Variants in EXOC4 observed in about 807,000 individuals in gnomAD.
EXOC4 encodes SEC8-like 1.
Under a neutral mutation model 107.2 loss-of-function variants are expected in EXOC4, and 71 were observed. The observed-to-expected ratio is 0.66, with a 90% CI of 0.55 to 0.81. EXOC4 has a LOEUF of 0.81. EXOC4 is among the 30% of genes least tolerant of loss of function. The probability of loss-of-function intolerance (pLI) is 0.00; values close to 1 mark genes in which losing one functional copy is unlikely to be tolerated. For synonymous variants in EXOC4, 456 were observed against 441.2 expected (o/e 1.03, Z -0.42); for missense variants, 1,108 against 1,189.6 (o/e 0.93, Z 1.01).
rs1222894526 is a variant in EXOC4, at chr7:133,857,244, CATAT to C, written c.1735-38329_1735-38326del. Among the ~76,000 whole-genome samples, 37 of 6,584 alleles carry C rather than the reference CATAT, an allele frequency of 5.6e-3. 2 individuals carry two copies. Among genetic ancestry groups the C allele is most frequent in the East Asian group, 0.015 (3 of 194 alleles). 4.3% of individuals were successfully genotyped at this position (6,584 alleles called of 152,430 possible). ...TCCCTGGATGATTGTCTTAGTGTCACATATATATATATATATATATATATATATA... is the reference window on the plus strand; with the variant it reads ...TCCCTGGATGATTGTCTTAGTGTCACATATATATATATATATATATATATA... On this transcript the variant is annotated intron_variant, in intron 11 of 17. Coordinates refer to ENST00000253861, the MANE Select transcript of EXOC4 (RefSeq NM_021807.4).
At chr7:134,010,314 G>A (rs1244287367) in intron 17 of EXOC4, 1 of 152,198 alleles carries the variant, frequency 6.6e-6, no homozygotes, top group Non-Finnish European at 1.5e-5. Context: ...TTAATTGCCT[G>A]AAAGTTTAAA....
chr7:133,377,149 C>G (rs1796507969), intron 7 of EXOC4, among the ~76,000 whole-genome samples: 1 of 152,044 alleles, frequency 6.6e-6, no homozygotes, highest in Admixed American at 6.5e-5. Context: ...GGCAGGAGTT[C>G]AAGACCAGCC....
At chr7:133,556,843 G>A (rs557344346) in intron 9 of EXOC4, among the ~76,000 whole-genome samples, 2 of 152,266 alleles carry the variant, frequency 1.3e-5, no homozygotes, top group African/African-American at 4.8e-5. Context: ...TTAGATGTAG[G>A]TATGAAAAGA....
At chr7:133,856,950 A>C (rs1171945170) in intron 11 of EXOC4, among the ~76,000 whole-genome samples, 17 of 149,966 alleles carry the variant, frequency 1.1e-4, no homozygotes, top group Non-Finnish European at 2.5e-4. Context: ...AATACAAAAA[A>C]ATTAGGCCTG....
chr7:133,909,041 T>C (rs1258073842), intron 12 of EXOC4, among the ~76,000 whole-genome samples: 1 of 152,140 alleles, frequency 6.6e-6, no homozygotes, highest in East Asian at 1.9e-4. Flanking sequence ...CATGTGTCCA[T>C]GTGTTCTCAT....
chr7:133,576,426 T>G (rs1801127109), intron 9 of EXOC4: 1 of 1,134,826 alleles, frequency 8.8e-7, no homozygotes, highest in Admixed American at 3.3e-5. Flanking sequence ...TAGCATTATG[T>G]AGTATATTAC....
chr7:133,822,719 A>T (rs1797552442), intron 11 of EXOC4, among the ~76,000 whole-genome samples: 1 of 151,970 alleles, frequency 6.6e-6, no homozygotes. Flanking sequence ...CCTGAACCTC[A>T]CTCCACTCTG....
chr7:133,918,137 C>T (rs1044183624), intron 13 of EXOC4, among the ~76,000 whole-genome samples: 2 of 115,604 alleles, frequency 1.7e-5, no homozygotes, highest in African/African-American at 9.2e-5. Context: ...TGCCCACCAC[C>T]ACGCCCGGCT....
chr7:133,428,558 A>G (rs1030985017), intron 7 of EXOC4, among the ~76,000 whole-genome samples: 2 of 152,192 alleles, frequency 1.3e-5, no homozygotes, highest in Non-Finnish European at 2.9e-5. Context: ...TTATTTTATT[A>G]TAATCCTTGG....
intron 10 of EXOC4, among the ~76,000 whole-genome samples, chr7:133,645,446 C>T (rs566373601): frequency 6.6e-6 from 1 of 152,126 alleles, no homozygotes; most frequent in South Asian, 2.1e-4. Flanking sequence ...TCCTTTTCCT[C>T]TGTGCCCTTG....
At chr7:134,075,262 G>T in the EXOC4 span, among the ~76,000 whole-genome samples, 1 of 152,156 alleles carries the variant, frequency 6.6e-6, no homozygotes, top group Non-Finnish European at 1.5e-5. Context: ...ATGAAATCAG[G>T]TCTGAGGTTT....
At position 133,802,833 on chromosome 7, in the gene EXOC4, C is replaced by T. The variant is rs989625883; in HGVS notation, c.1515-14492C>T. On this transcript the variant is annotated intron_variant, in intron 10 of 17. Coordinates refer to ENST00000253861, the MANE Select transcript of EXOC4 (RefSeq NM_021807.4). The stretch of plus-strand genomic sequence containing the variant: ...ACTGCACTCCAGCCTGGGCGACGAG[C>T]GAAACTCTGTCTCCACAAAAAAAAA... 5.5e-5 allele frequency among the ~76,000 whole-genome samples: 6 copies of T among 109,938 alleles called. No homozygotes were observed. The East Asian group carries it at 1.0e-3, about 19-fold the overall frequency. 72.1% of individuals were successfully genotyped at this position (109,938 alleles called of 152,430 possible). A position where few individuals can be genotyped will look rare whatever the true frequency, so the allele number is the denominator to read the frequency against.
At chr7:133,660,430 G>T (rs1803412141) in intron 10 of EXOC4, among the ~76,000 whole-genome samples, 1 of 152,164 alleles carries the variant, frequency 6.6e-6, no homozygotes, top group African/African-American at 2.4e-5. Flanking sequence ...CAGGAGAAAA[G>T]AATGGTGGCG....
chr7:133,470,917 T>C (rs1201277095), intron 7 of EXOC4, among the ~76,000 whole-genome samples: 2 of 152,134 alleles, frequency 1.3e-5, no homozygotes, highest in African/African-American at 4.8e-5. Flanking sequence ...TTTGAACCCA[T>C]AGGTGTGTGC....
At chr7:133,539,606 A>AT (rs1175644971) in intron 9 of EXOC4, among the ~76,000 whole-genome samples, 1 of 151,902 alleles carries the variant, frequency 6.6e-6, no homozygotes, top group Non-Finnish European at 1.5e-5. Context: ...GGGGGTATAT[A>AT]TATTCTCTCT....
intron 10 of EXOC4, among the ~76,000 whole-genome samples, chr7:133,775,092 A>G (rs1057097081): frequency 6.6e-6 from 1 of 152,164 alleles, no homozygotes; most frequent in African/African-American, 2.4e-5. Context: ...GCAGTTTTTC[A>G]AAAAGGTAGA....
intron 9 of EXOC4, among the ~76,000 whole-genome samples, chr7:133,566,572 GT>G (rs1257095341): frequency 1.3e-5 from 2 of 152,054 alleles, no homozygotes; most frequent in East Asian, 1.9e-4. Flanking sequence ...GTTTTGTTTT[GT>G]TTTTGTGACT....
At chr7:133,856,585 A>G (rs139380898) in intron 11 of EXOC4, among the ~76,000 whole-genome samples, 1 of 152,170 alleles carries the variant, frequency 6.6e-6, no homozygotes, top group Non-Finnish European at 1.5e-5. Context: ...TAAATGTGTG[A>G]TTTTTATCAT....
chr7:133,614,267 G>A (rs909777028), intron 9 of EXOC4, among the ~76,000 whole-genome samples: 2 of 152,166 alleles, frequency 1.3e-5, no homozygotes, highest in African/African-American at 4.8e-5. Flanking sequence ...TTATGATTGG[G>A]ACTGCCCTTA....
Sources: allele counts gnomAD v4.1 joint callset (sites outside exome capture counted in the v4.1 genomes callset), GRCh38; gene constraint gnomAD v4.1.1; transcripts MANE v1.5; gene names NCBI Gene and HGNC (gene_info 2026-07-23, HGNC 2026-07-21).